The following MBNL2 variants were observed in gnomAD, a reference collection of about 807,000 sequenced individuals.
The protein encoded by MBNL2 is muscleblind like splicing regulator 2, also known as muscleblind-like protein 2.
In MBNL2, 17 loss-of-function variants were observed where a neutral mutation model predicts 41.9. The observed-to-expected ratio is 0.41, with a 90% CI of 0.28 to 0.61. MBNL2 has a LOEUF of 0.61. Ranked by LOEUF, MBNL2 falls within the 20% of genes least tolerant of loss-of-function variation. The pLI, the probability that MBNL2 is intolerant of heterozygous loss-of-function variation, is 0.35. For synonymous variants in MBNL2, 195 were observed against 182.9 expected (o/e 1.07, Z -0.53); for missense variants, 336 against 505.6 (o/e 0.66, Z 3.22).
chr13:97,263,322 T>A (rs1441863363), intron 1 of MBNL2, among the ~76,000 whole-genome samples: 1 of 152,160 alleles, frequency 6.6e-6, no homozygotes, highest in Non-Finnish European at 1.5e-5. Flanking sequence ...AAGAGCTTCC[T>A]CCAGCTGGGA....
chr13:97,253,215 A>G, intron 1 of MBNL2, among the ~76,000 whole-genome samples: 1 of 152,298 alleles, frequency 6.6e-6, no homozygotes, highest in South Asian at 2.1e-4. Context: ...AATAAAGATA[A>G]CCAACTTGGT....
upstream of MBNL2, among the ~76,000 whole-genome samples, chr13:97,217,071 ATGTGT>A (rs2040438605): frequency 8.3e-6 from 1 of 121,184 alleles, no homozygotes; most frequent in Non-Finnish European, 1.7e-5. Flanking sequence ...ATATACACAT[ATGTGT>A]TGTATATAAT....
chr13:97,361,952 T>C (rs543215748), intron 7 of MBNL2, among the ~76,000 whole-genome samples: 120 of 151,832 alleles, frequency 7.9e-4, no homozygotes, highest in African/African-American at 2.8e-3. Context: ...TTTGTATTTT[T>C]CGTAGAGACA....
chr13:97,255,746 G>A (rs2047405918), intron 1 of MBNL2, among the ~76,000 whole-genome samples: 1 of 152,178 alleles, frequency 6.6e-6, no homozygotes, highest in Admixed American at 6.5e-5. Flanking sequence ...CATGTGCTGT[G>A]TTTAGATATA....
chr13:97,386,825 C>T (rs983783497), intron 8 of MBNL2, among the ~76,000 whole-genome samples: 2 of 152,034 alleles, frequency 1.3e-5, no homozygotes, highest in Non-Finnish European at 2.9e-5. Flanking sequence ...GTTTAATTCA[C>T]TTAATGTGAT....
chr13:97,331,852 AATGTT>A (rs2060465734), intron 2 of MBNL2, among the ~76,000 whole-genome samples: 1 of 152,240 alleles, frequency 6.6e-6, no homozygotes, highest in African/African-American at 2.4e-5. Context: ...CTACTAATTC[AATGTT>A]GTAAAATACT....
intron 5 of MBNL2, among the ~76,000 whole-genome samples, chr13:97,354,182 T>A (rs116971625): frequency 6.6e-6 from 1 of 151,794 alleles, no homozygotes; most frequent in Non-Finnish European, 1.5e-5. Context: ...GGCTGATACA[T>A]AGTGAGGGCT....
the MBNL2 span, among the ~76,000 whole-genome samples, chr13:97,176,916 G>A: frequency 1.3e-5 from 2 of 151,768 alleles, no homozygotes; most frequent in East Asian, 1.9e-4. Context: ...AATAGTCAAG[G>A]GTCCACAGAC....
At chr13:97,236,360 G>A (rs539384526) in intron 1 of MBNL2, among the ~76,000 whole-genome samples, 1 of 152,208 alleles carries the variant, frequency 6.6e-6, no homozygotes, top group Admixed American at 6.5e-5. Flanking sequence ...AGTCCTAGGG[G>A]CATGCTTTCC....
At chr13:97,221,943 CAGAT>C (rs2040896144), upstream of MBNL2, among the ~76,000 whole-genome samples, 1 of 152,208 alleles carries the variant, frequency 6.6e-6, no homozygotes, top group Admixed American at 6.5e-5. Context: ...TATGCTTTGT[CAGAT>C]AGTCCAAGGA....
intron 3 of MBNL2, among the ~76,000 whole-genome samples, chr13:97,336,410 T>A (rs2060887996): frequency 6.6e-6 from 1 of 152,124 alleles, no homozygotes; most frequent in African/African-American, 2.4e-5. Context: ...TTATAAGGAA[T>A]CAGGGGCTTG....
the MBNL2 span, among the ~76,000 whole-genome samples, chr13:97,200,147 C>A: frequency 2.0e-5 from 3 of 152,230 alleles, no homozygotes; most frequent in Admixed American, 6.5e-5. Flanking sequence ...TGCTGTGGGC[C>A]ACTTGCTGGA....
intron 1 of MBNL2, among the ~76,000 whole-genome samples, chr13:97,255,927 G>A (rs958607487): frequency 6.6e-6 from 1 of 152,220 alleles, no homozygotes; most frequent in African/African-American, 2.4e-5. Flanking sequence ...GATCGTTTAG[G>A]AATGGATATG....
chr13:97,225,285 A>G lies in MBNL2; in HGVS notation c.-605+2754A>G, dbSNP rs1044080821. On this transcript the variant is annotated intron_variant, in intron 1 of 8. Coordinates refer to ENST00000679496, the MANE Select transcript of MBNL2 (RefSeq NM_001382683.1). Reference sequence around the variant, plus strand: ...CCTTATAGTAGAATAAGTAGGTTCAATCTCTCATGCATTTTCTCTTCCTTT... The same window carrying G: ...CCTTATAGTAGAATAAGTAGGTTCAGTCTCTCATGCATTTTCTCTTCCTTT... 2.6e-5 allele frequency among the ~76,000 whole-genome samples: 4 copies of G among 152,326 alleles called. No homozygotes were observed. In the East Asian group the frequency reaches 7.7e-4, roughly 29 times the overall value.
the MBNL2 span, among the ~76,000 whole-genome samples, chr13:97,148,227 G>A: frequency 1.3e-5 from 2 of 152,290 alleles, no homozygotes; most frequent in East Asian, 3.9e-4. Context: ...TGTATGATTA[G>A]CAAATGTTCT....
intron 7 of MBNL2, among the ~76,000 whole-genome samples, chr13:97,358,773 C>T (rs553704700): frequency 6.6e-6 from 1 of 152,188 alleles, no homozygotes; most frequent in African/African-American, 2.4e-5. Context: ...AATAACAATT[C>T]TAACAAAAAG....
intron 2 of MBNL2, among the ~76,000 whole-genome samples, chr13:97,325,393 A>G (rs2059827244): frequency 6.6e-6 from 1 of 152,196 alleles, no homozygotes; most frequent in Admixed American, 6.5e-5. Flanking sequence ...AGACACAAGT[A>G]GTATGAGAAA....
intron 5 of MBNL2, among the ~76,000 whole-genome samples, chr13:97,351,022 C>G (rs76331630): frequency 2.0e-5 from 3 of 152,142 alleles, no homozygotes; most frequent in African/African-American, 4.8e-5. Flanking sequence ...ATGTATTTCT[C>G]GATTAATAAG....
At chr13:97,227,918 A>G (rs2041878777) in intron 1 of MBNL2, among the ~76,000 whole-genome samples, 1 of 152,236 alleles carries the variant, frequency 6.6e-6, no homozygotes, top group Non-Finnish European at 1.5e-5. Context: ...GTCACACAGA[A>G]GTAAGGTGCT....
Sources: allele counts gnomAD v4.1 joint callset (sites outside exome capture counted in the v4.1 genomes callset), GRCh38; gene constraint gnomAD v4.1.1; transcripts MANE v1.5; gene names NCBI Gene and HGNC (gene_info 2026-07-23, HGNC 2026-07-21).